The following DSCAM variants were observed in gnomAD, a reference collection of about 807,000 sequenced individuals.
The protein encoded by DSCAM is cell adhesion molecule DSCAM.
A neutral mutation model predicts 217.7 loss-of-function variants in DSCAM; 47 were observed. The ratio of observed to expected loss-of-function variants is 0.22; its 90% CI spans 0.17 to 0.28. DSCAM has a LOEUF of 0.28. DSCAM is among the 10% of genes least tolerant of loss of function. The probability of loss-of-function intolerance (pLI) is 1.00; values close to 1 mark genes in which losing one functional copy is unlikely to be tolerated. For missense variants in DSCAM, 2,080 were observed against 2,618.3 expected (o/e 0.79, Z 4.49); for synonymous variants, 1,056 against 1,015.3 (o/e 1.04, Z -0.76).
intron 3 of DSCAM, among the ~76,000 whole-genome samples, chr21:40,467,853 A>G (rs1348527399): frequency 6.6e-6 from 1 of 151,532 alleles, no homozygotes; most frequent in African/African-American, 2.4e-5. Flanking sequence ...AGCCCAAGGG[A>G]AAAGTCAAGC....
intron 3 of DSCAM, among the ~76,000 whole-genome samples, chr21:40,415,945 C>T (rs1034970223): frequency 1.8e-4 from 28 of 151,948 alleles, no homozygotes; most frequent in African/African-American, 6.8e-4. Context: ...TATTTTTAGG[C>T]AGAAAAAAAG....
intron 3 of DSCAM, among the ~76,000 whole-genome samples, chr21:40,485,506 T>C (rs2076020576): frequency 6.6e-6 from 1 of 151,568 alleles, no homozygotes; most frequent in Non-Finnish European, 1.5e-5. Flanking sequence ...CCTCCCAAAG[T>C]GCTGGGATTA....
chr21:40,694,048 G>A (rs1040077966), intron 2 of DSCAM, among the ~76,000 whole-genome samples: 1 of 152,188 alleles, frequency 6.6e-6, no homozygotes, highest in Non-Finnish European at 1.5e-5. Context: ...AAATTCAACA[G>A]TGTCTGCTAG....
chr21:40,098,287 A>G (rs2146603385), intron 20 of DSCAM, among the ~76,000 whole-genome samples: 1 of 152,340 alleles, frequency 6.6e-6, no homozygotes, highest in Non-Finnish European at 1.5e-5. Flanking sequence ...AGGTGAATAA[A>G]CGTTTAGGAT....
At position 40,507,895 on chromosome 21, in the gene DSCAM, T is replaced by A. The variant is rs139688328; in HGVS notation, c.509-138650A>T. Among the ~76,000 whole-genome samples the A allele has an allele frequency of 2.0e-4, 30 of 152,288 alleles. No individual in the cohort carries two copies. The East Asian group carries it at 5.8e-3, about 29-fold the overall frequency. On this transcript the variant is annotated intron_variant, in intron 3 of 32. Coordinates refer to ENST00000400454, the MANE Select transcript of DSCAM (RefSeq NM_001389.5). ...AGCTTTCTCTGTACCCCCTCGCCCC[T>A]CCACTCCTGCATACAGACCCTTTTC...
At chr21:40,204,057 G>A (rs959355008) in intron 11 of DSCAM, among the ~76,000 whole-genome samples, 2 of 152,152 alleles carry the variant, frequency 1.3e-5, no homozygotes, top group Non-Finnish European at 2.9e-5. Flanking sequence ...GGAAAACAGG[G>A]GTGTTTTAAG....
At chr21:40,240,444 T>G (rs1248911853) in intron 11 of DSCAM, among the ~76,000 whole-genome samples, 1 of 150,362 alleles carries the variant, frequency 6.7e-6, no homozygotes, top group Non-Finnish European at 1.5e-5. Flanking sequence ...ATTCATTACT[T>G]TTCTGCAAAT....
At chr21:40,088,035 A>G (rs897494715) in intron 21 of DSCAM, among the ~76,000 whole-genome samples, 32 of 152,356 alleles carry the variant, frequency 2.1e-4, no homozygotes, top group African/African-American at 7.5e-4. Context: ...GGGACACCAC[A>G]CACAAGTCTT....
At chr21:40,697,302 T>G in intron 2 of DSCAM, among the ~76,000 whole-genome samples, 1 of 152,214 alleles carries the variant, frequency 6.6e-6, no homozygotes, top group East Asian at 1.9e-4. Flanking sequence ...CTTTGCTGAT[T>G]TTTATTTTCT....
At chr21:40,680,229 C>G (rs756809503) in intron 3 of DSCAM, among the ~76,000 whole-genome samples, 1 of 152,114 alleles carries the variant, frequency 6.6e-6, no homozygotes, top group Admixed American at 6.5e-5. Context: ...GGGTATGGAC[C>G]TAGACACTGG....
chr21:40,182,375 G>A (rs73364108), intron 14 of DSCAM, among the ~76,000 whole-genome samples: 4,246 of 152,112 alleles, frequency 0.028, 186 homozygotes, highest in African/African-American at 0.093. Flanking sequence ...TGCACCTTCT[G>A]TGTCAGAGTC....
chr21:40,256,440 C>G (rs146122623), intron 11 of DSCAM, among the ~76,000 whole-genome samples: 6,269 of 149,650 alleles, frequency 0.042, 362 homozygotes, highest in East Asian at 0.21. Flanking sequence ...GAGAGAGAGA[C>G]ACACACAGAC....
chr21:40,556,718 G>A (rs570199624), intron 3 of DSCAM, among the ~76,000 whole-genome samples: 46 of 152,198 alleles, frequency 3.0e-4, no homozygotes, highest in Admixed American at 5.2e-4. Context: ...CTCACAGAGT[G>A]AGAACTCACT....
intron 3 of DSCAM, among the ~76,000 whole-genome samples, chr21:40,559,197 G>C (rs1267470125): frequency 6.6e-6 from 1 of 152,186 alleles, no homozygotes; most frequent in Non-Finnish European, 1.5e-5. Context: ...GGTGGCTCAA[G>C]CCTGTAATCC....
chr21:40,089,019 C>T (rs1370248532), intron 21 of DSCAM, among the ~76,000 whole-genome samples: 2 of 152,214 alleles, frequency 1.3e-5, no homozygotes, highest in African/African-American at 4.8e-5. Flanking sequence ...CTCTGTTCCA[C>T]TCTATTCCAT....
chr21:40,361,619 A>AAAAC (rs376186649), intron 4 of DSCAM, among the ~76,000 whole-genome samples: 8,139 of 152,098 alleles, frequency 0.054, 384 homozygotes, highest in African/African-American at 0.13. Context: ...CTCCATCTCA[A>AAAAC]AAACAAACAA....
chr21:40,794,090 A>G (rs2091670340), intron 1 of DSCAM, among the ~76,000 whole-genome samples: 1 of 152,066 alleles, frequency 6.6e-6, no homozygotes. Context: ...CTTTTTCTAG[A>G]GATTATTAAT....
At chr21:40,663,081 A>C (rs1003209819) in intron 3 of DSCAM, among the ~76,000 whole-genome samples, 1 of 145,718 alleles carries the variant, frequency 6.9e-6, no homozygotes, top group African/African-American at 2.5e-5. Context: ...GTATGCCAGT[A>C]TGTGTAGTAT....
intron 11 of DSCAM, among the ~76,000 whole-genome samples, chr21:40,226,239 T>C (rs2837518): frequency 0.42 from 63,274 of 152,118 alleles, 15,244 homozygotes; most frequent in East Asian, 0.57. Flanking sequence ...ATAAGGAACA[T>C]AGATAAGATG....
Sources: allele counts gnomAD v4.1 joint callset (sites outside exome capture counted in the v4.1 genomes callset), GRCh38; gene constraint gnomAD v4.1.1; transcripts MANE v1.5; gene names NCBI Gene and HGNC (gene_info 2026-07-23, HGNC 2026-07-21).